The following PCYT1B variants were observed in gnomAD, a reference collection of about 807,000 sequenced individuals.
PCYT1B encodes the protein choline-phosphate cytidylyltransferase B.
PCYT1B carries 10 observed loss-of-function variants against 26.4 expected under a neutral mutation model. The ratio of observed to expected loss-of-function variants is 0.38; its 90% confidence interval spans 0.23 to 0.64. PCYT1B has a LOEUF of 0.64. PCYT1B is among the 30% of genes least tolerant of loss of function. The probability of loss-of-function intolerance (pLI) is 0.56; values close to 1 mark genes in which losing one functional copy is unlikely to be tolerated. For synonymous variants in PCYT1B, 131 were observed against 108.4 expected (o/e 1.21, Z -1.29); for missense variants, 161 against 292.7 (o/e 0.55, Z 3.28).
intron 7 of PCYT1B, among the ~76,000 whole-genome samples, chrX:24,571,482 C>A (rs1337950741): frequency 1.0e-5 from 1 of 95,940 alleles, no homozygotes; most frequent in Non-Finnish European, 2.1e-5. Flanking sequence ...ATATCATCAT[C>A]ATCACCTTCT....
intron 1 of PCYT1B, among the ~76,000 whole-genome samples, chrX:24,652,854 C>T (rs1185235019): frequency 7.2e-5 from 8 of 111,709 alleles, no homozygotes; most frequent in Middle Eastern, 4.6e-3. Context: ...GAGGCTGAGG[C>T]GGGCAGATCA....
chrX:24,637,831 G>T (rs1216815073), intron 1 of PCYT1B, among the ~76,000 whole-genome samples: 1 of 109,881 alleles, frequency 9.1e-6, no homozygotes, highest in Non-Finnish European at 1.9e-5. Context: ...TGTGCACTGT[G>T]AATGGTTGTT....
At chrX:24,609,812 C>T (rs1290650052) in intron 2 of PCYT1B, among the ~76,000 whole-genome samples, 1 of 111,132 alleles carries the variant, frequency 9.0e-6, no homozygotes, top group African/African-American at 3.3e-5. Flanking sequence ...TAAAAATAGT[C>T]GGGCGTGGTG....
chrX:24,637,491 A>AAAATATATAC, intron 1 of PCYT1B, among the ~76,000 whole-genome samples: 1 of 52,894 alleles, frequency 1.9e-5, no homozygotes, highest in Non-Finnish European at 2.9e-5. Flanking sequence ...AAAAAAAAAA[A>AAAATATATAC]ATATATATAT....
upstream of PCYT1B, among the ~76,000 whole-genome samples, chrX:24,648,449 ATTTTTTTTT>A (rs57744798): frequency 1.5e-4 from 6 of 39,724 alleles, no homozygotes; most frequent in African/African-American, 2.8e-4. Flanking sequence ...ATTTGAAGGA[ATTTTTTTTT>A]TTTTTTTTTT....
intron 1 of PCYT1B, among the ~76,000 whole-genome samples, chrX:24,665,911 T>C (rs1927118541): frequency 9.1e-6 from 1 of 110,452 alleles, no homozygotes; most frequent in Admixed American, 9.7e-5. Flanking sequence ...TGAGGAGTTG[T>C]AGAAGGTTGA....
At chrX:24,602,142 C>T (rs1334541477) in intron 3 of PCYT1B, among the ~76,000 whole-genome samples, 1 of 111,932 alleles carries the variant, frequency 8.9e-6, no homozygotes, top group Non-Finnish European at 1.9e-5. Flanking sequence ...TACATCCAGA[C>T]AATGGAACAT....
intron 1 of PCYT1B, among the ~76,000 whole-genome samples, chrX:24,620,353 T>C (rs1425886108): frequency 1.8e-5 from 2 of 111,523 alleles, no homozygotes; most frequent in East Asian, 2.8e-4. Flanking sequence ...CTCTCCCCAT[T>C]GCAGTCCCTT....
intron 3 of PCYT1B, among the ~76,000 whole-genome samples, chrX:24,591,235 A>G (rs1255151329): frequency 1.8e-5 from 2 of 111,287 alleles, no homozygotes; most frequent in African/African-American, 3.3e-5. Flanking sequence ...ACTATTCACT[A>G]TCCTATCTTT....
At chrX:24,661,714 A>G (rs1454450976) in intron 1 of PCYT1B, among the ~76,000 whole-genome samples, 1 of 112,332 alleles carries the variant, frequency 8.9e-6, no homozygotes, top group Non-Finnish European at 1.9e-5. Flanking sequence ...ATTAAATGAG[A>G]TCTAAAAGAC....
intron 1 of PCYT1B, among the ~76,000 whole-genome samples, chrX:24,634,121 G>A (rs1235279540): frequency 9.0e-6 from 1 of 110,874 alleles, no homozygotes; most frequent in Non-Finnish European, 1.9e-5. Context: ...GTCTTACTAT[G>A]TTGCCCAGGA....
intron 1 of PCYT1B, among the ~76,000 whole-genome samples, chrX:24,671,501 T>C (rs1260316125): frequency 9.0e-6 from 1 of 111,320 alleles, no homozygotes; most frequent in African/African-American, 3.3e-5. Flanking sequence ...AAATGATCAA[T>C]CAGTCATGTA....
chrX:24,617,265 A>G (rs1925530059), intron 2 of PCYT1B, among the ~76,000 whole-genome samples: 1 of 110,807 alleles, frequency 9.0e-6, no homozygotes, highest in Non-Finnish European at 1.9e-5. Context: ...AAATGACATG[A>G]TACATATAAA....
rs1464664226 is a variant in PCYT1B, at chrX:24,559,461, A to AAG, written c.*2830_*2831dup. On this transcript the variant is annotated 3_prime_UTR_variant, in exon 8 of 8. Coordinates refer to ENST00000379144, the MANE Select transcript of PCYT1B (RefSeq NM_004845.5). Reference sequence around the variant, plus strand: ...AAAGAAAGAGAGAGAGAGAGAAAGAAAGAGAAAGAAAGTAAAAGAAAGAAA... The same window carrying AAG: ...AAAGAAAGAGAGAGAGAGAGAAAGAAAGAGAGAAAGAAAGTAAAAGAAAGAAA... 1.4e-4 allele frequency: 14 copies of AAG among 102,015 alleles called. No homozygotes were observed. In the East Asian group the frequency reaches 4.0e-3, roughly 29 times the overall value. 8.4% of individuals were successfully genotyped at this position (102,015 alleles called of 1,213,427 possible). A position where few individuals can be genotyped will look rare whatever the true frequency, so the allele number is the denominator to read the frequency against.
intron 1 of PCYT1B, among the ~76,000 whole-genome samples, chrX:24,663,499 T>C (rs1383632540): frequency 8.9e-6 from 1 of 112,779 alleles, no homozygotes; most frequent in Non-Finnish European, 1.9e-5. Flanking sequence ...AATACAGAAA[T>C]GCAAAGAGCC....
chrX:24,622,951 A>G (rs1365366851), intron 1 of PCYT1B, among the ~76,000 whole-genome samples: 1 of 112,319 alleles, frequency 8.9e-6, no homozygotes, highest in African/African-American at 3.2e-5. Flanking sequence ...AAGTAGGTCA[A>G]ATGACTTGCT....
At chrX:24,663,200 C>T (rs1235846594) in intron 1 of PCYT1B, among the ~76,000 whole-genome samples, 1 of 112,182 alleles carries the variant, frequency 8.9e-6, no homozygotes, top group East Asian at 2.8e-4. Flanking sequence ...AACTGGTCAC[C>T]TTGCTTTTTT....
chrX:24,584,839 T>C (rs1207767280), intron 5 of PCYT1B, among the ~76,000 whole-genome samples: 1 of 111,509 alleles, frequency 9.0e-6, no homozygotes, highest in Admixed American at 9.6e-5. Context: ...CTTCAACTTC[T>C]AAAACAGGCT....
intron 1 of PCYT1B, among the ~76,000 whole-genome samples, chrX:24,644,944 A>G (rs980354177): frequency 3.6e-5 from 4 of 111,541 alleles, no homozygotes; most frequent in Non-Finnish European, 7.5e-5. Flanking sequence ...CCCACCTGTA[A>G]TCCCAGCTAC....
Sources: gnomAD v4.1 joint callset for allele counts (sites outside exome capture counted in the v4.1 genomes callset) on GRCh38, gnomAD v4.1.1 for gene constraint, MANE v1.5 for transcripts, NCBI Gene and HGNC (gene_info 2026-07-23, HGNC 2026-07-21) for gene names.